Variants in HMBOX1 observed in about 807,000 individuals in gnomAD.
The protein encoded by HMBOX1 is homeobox-containing protein 1.
In HMBOX1, 14 loss-of-function variants were observed where a neutral mutation model predicts 54.5. The observed-to-expected ratio is 0.26, with a 90% CI of 0.17 to 0.40. The LOEUF (loss-of-function observed/expected upper bound fraction) is 0.40, where lower values mean the gene tolerates loss of function less well. Ranked by LOEUF, HMBOX1 falls within the 10% of genes least tolerant of loss-of-function variation. HMBOX1 has a pLI of 1.00. For missense variants in HMBOX1, 332 were observed against 514.4 expected, an observed-to-expected ratio of 0.65 and a Z score of 3.43; for synonymous variants, 160 against 181.0, an observed-to-expected ratio of 0.88 and a Z score of 0.93.
At chr8:28,939,530 G>A (rs1404066432) in intron 1 of HMBOX1, among the ~76,000 whole-genome samples, 2 of 151,606 alleles carry the variant, frequency 1.3e-5, no homozygotes, top group Non-Finnish European at 2.9e-5. Context: ...TTTTTGAGAT[G>A]GAGTCTTGCT....
chr8:29,044,130 G>A (rs1805237484), intron 6 of HMBOX1, among the ~76,000 whole-genome samples: 1 of 152,068 alleles, frequency 6.6e-6, no homozygotes. Flanking sequence ...AGAGGAGGGA[G>A]TAGTGTTAGG....
chr8:28,975,158 G>A (rs1409905025), intron 3 of HMBOX1, among the ~76,000 whole-genome samples: 1 of 152,070 alleles, frequency 6.6e-6, no homozygotes, highest in Non-Finnish European at 1.5e-5. Flanking sequence ...AACAAATTAA[G>A]CTCTATTATA....
chr8:29,016,719 T>C (rs968364183), intron 5 of HMBOX1, among the ~76,000 whole-genome samples: 2 of 152,252 alleles, frequency 1.3e-5, no homozygotes, highest in African/African-American at 2.4e-5. Flanking sequence ...AGGTCCTCAC[T>C]GCCTGTTGGT....
chr8:28,989,055 A>G (rs1420101875), intron 4 of HMBOX1, among the ~76,000 whole-genome samples: 31 of 152,158 alleles, frequency 2.0e-4, no homozygotes, highest in Admixed American at 2.0e-3. Context: ...GGCGAATCAC[A>G]GGAGGTCGGC....
In HMBOX1 at chr8:29,009,523, CTTTTTTT is replaced by C. The variant is rs10706846; in HGVS notation, c.697+356_697+362del. On this transcript the variant is annotated intron_variant, in intron 5 of 9. Coordinates refer to ENST00000287701, the MANE Select transcript of HMBOX1 (RefSeq NM_001135726.3). ...CATAACTACGTAAGATTCCGTATCT[CTTTTTTT>C]TTTTTTTTTTTTTTGCAAATCTTGT... The C allele has an allele frequency of 8.9e-4, 425 of 477,174 alleles. 2 individuals are homozygous for C. In the African/African-American group the frequency reaches 9.6e-3, roughly 11 times the overall value. The allele number at this position is 477,174 out of a possible 1,614,324, so 29.6% of individuals were successfully genotyped here.
intron 6 of HMBOX1, among the ~76,000 whole-genome samples, chr8:29,021,859 CAAAAA>C (rs36163977): frequency 9.7e-6 from 1 of 103,052 alleles, no homozygotes; most frequent in Admixed American, 1.0e-4. Flanking sequence ...GACTCCGTCT[CAAAAA>C]AAAAAAAAAA....
intron 6 of HMBOX1, among the ~76,000 whole-genome samples, chr8:29,024,897 G>A (rs1336774459): frequency 1.3e-5 from 2 of 152,176 alleles, no homozygotes; most frequent in Non-Finnish European, 2.9e-5. Flanking sequence ...CCTGCTGTGA[G>A]ATCAGCAGCA....
At chr8:28,922,233 T>A (rs1314946189) in intron 1 of HMBOX1, among the ~76,000 whole-genome samples, 1 of 152,214 alleles carries the variant, frequency 6.6e-6, no homozygotes, top group Non-Finnish European at 1.5e-5. Flanking sequence ...TACATTGTAT[T>A]AGATAGTATA....
chr8:28,931,117 T>G (rs1216467008), intron 1 of HMBOX1, among the ~76,000 whole-genome samples: 3 of 152,234 alleles, frequency 2.0e-5, no homozygotes, highest in Non-Finnish European at 4.4e-5. Context: ...AAAGTGATTT[T>G]TTTGCATTAA....
Position 28,969,904 on chromosome 8 carries a change from T to A in HMBOX1, c.24-139T>A, listed in dbSNP as rs560711773. On this transcript the variant is annotated intron_variant, in intron 2 of 9. Coordinates refer to ENST00000287701, the MANE Select transcript of HMBOX1 (RefSeq NM_001135726.3). ...TACCAATCCATTTGCCATGGCACAA[T>A]CATTCTAGCATGGGACATACCTTCA... is the stretch of plus-strand genomic sequence containing the variant. The A allele has an allele frequency of 3.0e-5, 19 of 626,736 alleles. No individual in the cohort carries two copies. In the East Asian group the frequency reaches 4.3e-4, roughly 14 times the overall value. The allele number at this position is 626,736 out of a possible 1,614,324, so 38.8% of individuals were successfully genotyped here. A position where few individuals can be genotyped will look rare whatever the true frequency, so the allele number is the denominator to read the frequency against.
chr8:28,936,953 T>C (rs561476466), intron 1 of HMBOX1, among the ~76,000 whole-genome samples: 1 of 152,152 alleles, frequency 6.6e-6, no homozygotes, highest in Non-Finnish European at 1.5e-5. Context: ...TAAAGTACAA[T>C]ATTGTTCTTC....
At chr8:28,983,199 CTT>C (rs1161874784) in intron 4 of HMBOX1, among the ~76,000 whole-genome samples, 1 of 152,212 alleles carries the variant, frequency 6.6e-6, no homozygotes, top group East Asian at 1.9e-4. Flanking sequence ...ACTCCAAAAG[CTT>C]GCATTCATCT....
intron 2 of HMBOX1, among the ~76,000 whole-genome samples, chr8:28,964,504 C>A (rs1201488205): frequency 1.3e-5 from 2 of 152,078 alleles, no homozygotes; most frequent in Non-Finnish European, 2.9e-5. Context: ...TAAAAGTATT[C>A]CGGGAATTTC....
chr8:28,903,650 AT>A (rs1813683114), intron 1 of HMBOX1, among the ~76,000 whole-genome samples: 1 of 152,134 alleles, frequency 6.6e-6, no homozygotes, highest in Non-Finnish European at 1.5e-5. Flanking sequence ...GTGAAGAATT[AT>A]TTTTTGTCTT....
chr8:28,893,203 G>A (rs1811385827), intron 1 of HMBOX1, among the ~76,000 whole-genome samples: 1 of 152,122 alleles, frequency 6.6e-6, no homozygotes, highest in Admixed American at 6.5e-5. Context: ...CATTTGTTGG[G>A]GGTGATTCTG....
chr8:28,995,514 T>G (rs926643136), intron 4 of HMBOX1, among the ~76,000 whole-genome samples: 1 of 152,244 alleles, frequency 6.6e-6, no homozygotes, highest in Non-Finnish European at 1.5e-5. Context: ...GAAATGTGCC[T>G]AGAAATAGAA....
chr8:29,026,979 A>G (rs973528693), intron 6 of HMBOX1, among the ~76,000 whole-genome samples: 3 of 152,186 alleles, frequency 2.0e-5, no homozygotes, highest in African/African-American at 7.2e-5. Context: ...TGGGTTTATT[A>G]TATTTGTGTG....
intron 1 of HMBOX1, among the ~76,000 whole-genome samples, chr8:28,899,861 T>C (rs1301497408): frequency 6.6e-6 from 1 of 152,104 alleles, no homozygotes; most frequent in Non-Finnish European, 1.5e-5. Context: ...AGATAAATAG[T>C]TGGGGAGTCA....
intron 5 of HMBOX1, chr8:29,009,598 C>A: frequency 1.9e-6 from 2 of 1,043,514 alleles, no homozygotes; most frequent in Non-Finnish European, 2.4e-6. Context: ...TTAATTCATG[C>A]TGTACCATAT....
Sources: gnomAD v4.1 joint callset for allele counts (sites outside exome capture counted in the v4.1 genomes callset) on GRCh38, gnomAD v4.1.1 for gene constraint, MANE v1.5 for transcripts, NCBI Gene and HGNC (gene_info 2026-07-23, HGNC 2026-07-21) for gene names.